The following CACNB2 variants were observed in gnomAD, a reference collection of about 807,000 sequenced individuals.
CACNB2 encodes the protein calcium voltage-gated channel auxiliary subunit beta 2.
Under a neutral mutation model 73.3 loss-of-function variants are expected in CACNB2, and 42 were observed. The ratio of observed to expected loss-of-function variants is 0.57; its 90% confidence interval spans 0.45 to 0.74. The LOEUF (loss-of-function observed/expected upper bound fraction) is 0.74. CACNB2 is among the 30% of genes least tolerant of loss of function. The pLI is 0.00. For synonymous variants in CACNB2, 348 were observed against 310.3 expected, an observed-to-expected ratio of 1.12 and a Z score of -1.28; for missense variants, 940 against 853.0, an observed-to-expected ratio of 1.10 and a Z score of -1.27.
rs565459368 is a variant in CACNB2, at chr10:18,292,621, A to G, written c.214-109303A>G. Among the ~76,000 whole-genome samples the G allele has an allele frequency of 5.9e-5, 9 of 152,276 alleles. No homozygotes were observed. In the South Asian group the frequency reaches 1.9e-3, roughly 32 times the overall value. ...CAGTGAGCTGAGATCGGGCCACTGC[A>G]CTCCAGCCTGGGAGACAGAGTGAGA... On this transcript the variant is annotated intron_variant, in intron 2 of 13. Transcript: ENST00000324631.
intron 2 of CACNB2, among the ~76,000 whole-genome samples, chr10:18,246,808 C>T (rs2036878927): frequency 6.6e-6 from 1 of 152,190 alleles, no homozygotes; most frequent in Non-Finnish European, 1.5e-5. Context: ...GACAGGGTTT[C>T]ACTATTTTGC....
At chr10:18,295,516 G>A (rs991522223) in intron 2 of CACNB2, among the ~76,000 whole-genome samples, 2 of 152,158 alleles carry the variant, frequency 1.3e-5, no homozygotes, top group African/African-American at 4.8e-5. Flanking sequence ...ACCTCCCAGT[G>A]TTCCATATCT....
At chr10:18,429,810 A>G (rs1282132557) in intron 3 of CACNB2, among the ~76,000 whole-genome samples, 45 of 53,596 alleles carry the variant, frequency 8.4e-4, no homozygotes, top group African/African-American at 1.8e-3. Flanking sequence ...TCTCTACCGA[A>G]AAAAAAAAAA....
intron 2 of CACNB2, among the ~76,000 whole-genome samples, chr10:18,373,005 G>A (rs1218288452): frequency 6.6e-6 from 1 of 151,920 alleles, no homozygotes; most frequent in African/African-American, 2.4e-5. Context: ...TTGTAGGAAT[G>A]GAGTCTCACT....
chr10:18,332,965 A>G (rs1171160725), intron 2 of CACNB2, among the ~76,000 whole-genome samples: 3 of 152,220 alleles, frequency 2.0e-5, no homozygotes, highest in South Asian at 2.1e-4. Context: ...CAAATTTACA[A>G]TACAACAGAT....
intron 2 of CACNB2, among the ~76,000 whole-genome samples, chr10:18,389,041 G>C (rs1589218089): frequency 6.6e-6 from 1 of 152,138 alleles, no homozygotes; most frequent in East Asian, 1.9e-4. Flanking sequence ...AATAGGAAGG[G>C]CCTTTTATTC....
Position 18,141,312 on chromosome 10 carries a change from T to A in CACNB2, c.120+456T>A, listed in dbSNP as rs2030376515. 7.4e-6 allele frequency: 8 copies of A among 1,076,388 alleles called. No homozygotes were observed. The Admixed American group carries it at 1.4e-4, about 19-fold the overall frequency. 66.7% of individuals were successfully genotyped at this position (1,076,388 alleles called of 1,614,324 possible). On this transcript the variant is annotated intron_variant, in intron 1 of 13. Coordinates refer to ENST00000324631, the MANE Select transcript of CACNB2 (RefSeq NM_201596.3). ...CTCCGAGCCGGGGTGGGCGTGGGTGTGAGGATGATGGGGTGCAGGTGGGCA... is the reference window on the plus strand; with the variant it reads ...CTCCGAGCCGGGGTGGGCGTGGGTGAGAGGATGATGGGGTGCAGGTGGGCA...
intron 3 of CACNB2, among the ~76,000 whole-genome samples, chr10:18,415,934 T>G (rs77525349): frequency 0.015 from 2,206 of 151,204 alleles, 73 homozygotes; most frequent in South Asian, 0.12. Context: ...ATGCTACAAT[T>G]TTTTTTTTAT....
At chr10:18,511,472 G>A (rs2050780294) in intron 6 of CACNB2, among the ~76,000 whole-genome samples, 1 of 152,214 alleles carries the variant, frequency 6.6e-6, no homozygotes, top group Admixed American at 6.5e-5. Flanking sequence ...GAAAAGGTTA[G>A]AAGAAGCTGC....
intron 2 of CACNB2, among the ~76,000 whole-genome samples, chr10:18,302,976 A>G (rs2039585721): frequency 6.6e-6 from 1 of 152,114 alleles, no homozygotes; most frequent in Admixed American, 6.6e-5. Flanking sequence ...TCTCTTCATA[A>G]AGCTCTTTTA....
At chr10:18,516,735 G>T (rs1230054666) in intron 7 of CACNB2, among the ~76,000 whole-genome samples, 1 of 151,884 alleles carries the variant, frequency 6.6e-6, no homozygotes, top group Non-Finnish European at 1.5e-5. Flanking sequence ...TCAATGAGAA[G>T]ATCGTTTTCT....
At chr10:18,372,230 G>C (rs1290118728) in intron 2 of CACNB2, among the ~76,000 whole-genome samples, 1 of 152,074 alleles carries the variant, frequency 6.6e-6, no homozygotes, top group Non-Finnish European at 1.5e-5. Context: ...TGTCAATTTT[G>C]GCTTTTGTTG....
intron 2 of CACNB2, among the ~76,000 whole-genome samples, chr10:18,311,529 A>G (rs1023957199): frequency 6.6e-6 from 1 of 152,228 alleles, no homozygotes. Context: ...ACAGTCAGTT[A>G]ACACATGTGT....
chr10:18,498,241 G>C, intron 3 of CACNB2, 114 bp from the exon 4 acceptor site: 2 of 1,300,672 alleles, frequency 1.5e-6, no homozygotes, highest in African/African-American at 1.5e-5. Context: ...CAGTGCAGAG[G>C]GGAAACCAAC....
In CACNB2 at chr10:18,297,190, T is replaced by C. The variant is rs117108914; in HGVS notation, c.214-104734T>C. 1.8e-3 allele frequency among the ~76,000 whole-genome samples: 279 copies of C among 152,334 alleles called. 8 individuals carry two copies. In the East Asian group the frequency reaches 0.05, roughly 27 times the overall value. On this transcript the variant is annotated intron_variant, in intron 2 of 13. Coordinates refer to ENST00000324631, the MANE Select transcript of CACNB2 (RefSeq NM_201596.3). ...TTCTCCATTCCATTCCAAGCACTTCTATTCAATATGTTTCCTTTAATCCAG... is the reference window on the plus strand; with the variant it reads ...TTCTCCATTCCATTCCAAGCACTTCCATTCAATATGTTTCCTTTAATCCAG...
chr10:18,235,573 T>C, intron 2 of CACNB2, among the ~76,000 whole-genome samples: 1 of 152,152 alleles, frequency 6.6e-6, no homozygotes, highest in Admixed American at 6.5e-5. Flanking sequence ...AGGGGTCTGT[T>C]TGGTTAAATG....
chr10:18,272,026 T>A (rs1219600878), intron 2 of CACNB2, among the ~76,000 whole-genome samples: 3 of 152,120 alleles, frequency 2.0e-5, no homozygotes, highest in African/African-American at 7.2e-5. Flanking sequence ...TCTTTCTTCC[T>A]TTCTTTTTTC....
At chr10:18,424,610 A>G (rs992928362) in intron 3 of CACNB2, among the ~76,000 whole-genome samples, 1 of 152,128 alleles carries the variant, frequency 6.6e-6, no homozygotes, top group African/African-American at 2.4e-5. Flanking sequence ...ATTATGCTGA[A>G]TGTGGTGTTT....
intron 4 of CACNB2, among the ~76,000 whole-genome samples, chr10:18,499,805 T>C (rs1476388306): frequency 4.2e-5 from 5 of 117,788 alleles, no homozygotes; most frequent in South Asian, 2.9e-4. Flanking sequence ...ACCCCATCTC[T>C]AAAAAAAAAA....
Sources: gnomAD v4.1 joint callset for allele counts (sites outside exome capture counted in the v4.1 genomes callset) on GRCh38, gnomAD v4.1.1 for gene constraint, MANE v1.5 for transcripts, NCBI Gene and HGNC (gene_info 2026-07-23, HGNC 2026-07-21) for gene names.